Variants in SAR1A observed in about 807,000 individuals in gnomAD.
SAR1A encodes secretion associated Ras related GTPase 1A.
In SAR1A, 6 loss-of-function variants were observed where a neutral mutation model predicts 22.6. The observed-to-expected ratio is 0.27, with a 90% confidence interval of 0.15 to 0.52. The LOEUF (loss-of-function observed/expected upper bound fraction) is 0.52, where lower values mean the gene tolerates loss of function less well. SAR1A is among the 20% of genes least tolerant of loss of function. SAR1A has a pLI of 0.96. For missense variants in SAR1A, 145 were observed against 245.1 expected (o/e 0.59, Z 2.73); for synonymous variants, 70 against 82.2 (o/e 0.85, Z 0.80).
intron 1 of SAR1A, among the ~76,000 whole-genome samples, chr10:70,163,471 G>A (rs542733742): frequency 6.6e-6 from 1 of 152,194 alleles, no homozygotes; most frequent in Non-Finnish European, 1.5e-5. Flanking sequence ...GCTAATGCAA[G>A]GTGACTTTAC....
chr10:70,160,949 G>T, intron 4 of SAR1A, 55 bp downstream of exon 4: 1 of 1,235,808 alleles, frequency 8.1e-7, no homozygotes, highest in South Asian at 1.4e-5. Flanking sequence ...AAAGGAGCTG[G>T]GAGGCACAAA....
At chr10:70,160,750 T>C (rs1839458591) in intron 4 of SAR1A, among the ~76,000 whole-genome samples, 1 of 152,222 alleles carries the variant, frequency 6.6e-6, no homozygotes, top group South Asian at 2.1e-4. Context: ...TAGTTATACA[T>C]TATGGCTAAC....
chr10:70,157,264 C>T (rs1189976464), intron 5 of SAR1A, among the ~76,000 whole-genome samples: 2 of 151,864 alleles, frequency 1.3e-5, no homozygotes, highest in South Asian at 2.1e-4. Flanking sequence ...ACTAGCCGGG[C>T]GTGGTGGCAC....
rs1029446146 is a variant in SAR1A, at chr10:70,147,401, A to T, written c.*5075T>A. On this transcript the variant is annotated 3_prime_UTR_variant, in exon 7 of 7. Coordinates refer to ENST00000373241, the MANE Select transcript of SAR1A (RefSeq NM_020150.5). ...CCAGGGTCCAAATACTTTCTGTAGA[A>T]GGCCAGAATGGAAACAGTTCCAGTT... 6.6e-6 allele frequency: 1 copy of T among 152,250 alleles called. No homozygotes were observed. Among genetic ancestry groups the T allele is most frequent in the African/African-American group, 2.4e-5 (1 of 41,450 alleles). 9.4% of individuals were successfully genotyped at this position (152,250 alleles called of 1,614,324 possible). A position where few individuals can be genotyped will look rare whatever the true frequency, so the allele number is the denominator to read the frequency against.
intron 1 of SAR1A, chr10:70,163,697 C>A (rs187827462): frequency 2.0e-4 from 156 of 778,636 alleles, no homozygotes; most frequent in Non-Finnish European, 2.4e-4. Flanking sequence ...GGCTGACCAA[C>A]TGACTGAGGA....
intron 5 of SAR1A, among the ~76,000 whole-genome samples, chr10:70,154,566 T>C (rs1839363698): frequency 1.3e-5 from 2 of 151,892 alleles, no homozygotes; most frequent in African/African-American, 4.8e-5. Context: ...CAAGCGATTC[T>C]CCCACCTCAG....
intron 4 of SAR1A, among the ~76,000 whole-genome samples, chr10:70,158,860 CTCAG>C (rs1839430118): frequency 6.6e-6 from 1 of 151,694 alleles, no homozygotes; most frequent in South Asian, 2.1e-4. Flanking sequence ...GTAGATTTTC[CTCAG>C]TCAAATAAAC....
intron 3 of SAR1A, chr10:70,161,362 A>G: frequency 1.8e-6 from 1 of 553,388 alleles, no homozygotes; most frequent in Non-Finnish European, 3.2e-6. Context: ...CTTTTCTTCC[A>G]AGCTATTTTC....
chr10:70,165,597 A>G (rs939493282), intron 1 of SAR1A, among the ~76,000 whole-genome samples: 1 of 152,238 alleles, frequency 6.6e-6, no homozygotes, highest in African/African-American at 2.4e-5. Context: ...TTTCATGATC[A>G]AACTAATGGA....
chr10:70,153,814 G>A (rs1217114962), intron 6 of SAR1A, 24 bp downstream of exon 6: 2 of 1,563,296 alleles, frequency 1.3e-6, no homozygotes, highest in Admixed American at 2.1e-5. Context: ...TCCTTTATAT[G>A]TAACCCAAAT....
intron 3 of SAR1A, chr10:70,161,330 C>CT (rs757970730): frequency 1.4e-5 from 8 of 551,732 alleles, no homozygotes; most frequent in Non-Finnish European, 2.5e-5. Context: ...TGTTCTTAAA[C>CT]TATTCTAAAA....
Position 70,151,719 on chromosome 10 carries a change from ATGAG to A in SAR1A, c.*753_*756del, listed in dbSNP as rs1589872554. 1 of 152,662 alleles carries A rather than the reference ATGAG, an allele frequency of 6.6e-6. No homozygotes were observed. The highest frequency in any genetic ancestry group is 2.1e-4 in the South Asian group (1 of 4,838). 9.5% of individuals were successfully genotyped at this position (152,662 alleles called of 1,614,324 possible). On this transcript the variant is annotated 3_prime_UTR_variant, in exon 7 of 7. Transcript: ENST00000373241. ...AAGACTGGCTAAAATCTGTAACTTC[ATGAG>A]TAAGAATAACAACAATAACCCATTC...
chr10:70,162,449 A>G (rs957196479), intron 1 of SAR1A, among the ~76,000 whole-genome samples: 1 of 128,602 alleles, frequency 7.8e-6, no homozygotes. Context: ...AAAAGAAAAG[A>G]AAAGAGAGGG....
At position 70,152,424 on chromosome 10, in the gene SAR1A, G is replaced by C. The variant is rs1554826882; in HGVS notation, c.*52C>G. The C allele has an allele frequency of 8.1e-6, 11 of 1,354,496 alleles. No individual in the cohort carries two copies. In the South Asian group the frequency reaches 1.3e-4, roughly 16 times the overall value. 83.9% of individuals were successfully genotyped at this position (1,354,496 alleles called of 1,614,324 possible). A position where few individuals can be genotyped will look rare whatever the true frequency, so the allele number is the denominator to read the frequency against. ...TTAGAAAAGTTCATGAGGAAGCTGTGAATAGGATCAGTCCAGAGAAGTAAA... is the reference window on the plus strand; with the variant it reads ...TTAGAAAAGTTCATGAGGAAGCTGTCAATAGGATCAGTCCAGAGAAGTAAA... On this transcript the variant is annotated 3_prime_UTR_variant, in exon 7 of 7. Transcript: ENST00000373241.
chr10:70,161,246 C>T (rs1839464393), intron 3 of SAR1A, 177 bp from the exon 4 acceptor site: 1 of 569,128 alleles, frequency 1.8e-6, no homozygotes, highest in Admixed American at 3.5e-5. Flanking sequence ...GGAGGATAAT[C>T]TGAGCCCAGG....
Position 70,151,259 on chromosome 10 carries a change from CAAAAAAAAAAAAAA to C in SAR1A, c.*1203_*1216del, listed in dbSNP as rs201493587. ...GCAATGGAGAAAGACAATTTCATAC[CAAAAAAAAAAAAAA>C]AAAAAAAAAAACCTGGAAAAGCTAC... On this transcript the variant is annotated 3_prime_UTR_variant, in exon 7 of 7. Transcript: ENST00000373241. 4.3e-5 allele frequency: 3 copies of C among 70,390 alleles called. 1 individual carries two copies. Among genetic ancestry groups the C allele is most frequent in the East Asian group, 2.7e-3 (2 of 750 alleles). 4.4% of individuals were successfully genotyped at this position (70,390 alleles called of 1,614,324 possible).
At chr10:70,166,430 G>T (rs1208971950) in intron 1 of SAR1A, among the ~76,000 whole-genome samples, 1 of 152,076 alleles carries the variant, frequency 6.6e-6, no homozygotes, top group Non-Finnish European at 1.5e-5. Context: ...ACATTGATTT[G>T]AATGAAAAAC....
chr10:70,153,927 T>C lies in SAR1A; in HGVS notation c.391A>G (p.Ile131Val), dbSNP rs200350450. Reference sequence around the variant, plus strand: ...GTTCTGTCAATTTTGTTACCCAAGATAAGGATTGGCACATTGGATATTGTT... The same window carrying C: ...GTTCTGTCAATTTTGTTACCCAAGACAAGGATTGGCACATTGGATATTGTT... The part of the protein sequence containing the change: ...DETISNVPIL[I>V]LGNKIDRTDA... Residue 131 changes from isoleucine to valine, a missense_variant, in exon 6 of 7, where the codon ATC becomes GTC. Transcript: ENST00000373241. 1.2e-5 allele frequency: 20 copies of C among 1,606,688 alleles called. No individual in the cohort carries two copies. The highest frequency in any genetic ancestry group is 1.7e-4 in the Middle Eastern group (1 of 6,030).
rs1470540339 is a variant in SAR1A, at chr10:70,153,955, A to C, written c.363T>G (p.Asp121Glu). Residue 121 changes from aspartate (D) to glutamate (E), a missense_variant, in exon 6 of 7, where the codon GAT becomes GAG. Asp to Glu is a conservative substitution (Grantham distance 45, BLOSUM62 2). Around this residue, in one of 3 missense-constraint regions of SAR1A, gnomAD observed 83 missense variants for 114.7 expected, o/e 0.72. Transcript: ENST00000373241. ...GGATTGGCACATTGGATATTGTTTC[A>C]TCAGTCATTAAAGCCTAAAGATTGA... Reference protein sequence around the residue: ...SKVELNALMTDETISNVPILI... With the variant: ...SKVELNALMTEETISNVPILI... 7 of 1,588,026 alleles carry C rather than the reference A, an allele frequency of 4.4e-6. No individual in the cohort carries two copies. In the African/African-American group the frequency reaches 9.6e-5, roughly 22 times the overall value.
Sources: allele counts gnomAD v4.1 joint callset (sites outside exome capture counted in the v4.1 genomes callset), GRCh38; gene constraint gnomAD v4.1.1; regional missense constraint gnomAD v4.1.1; transcripts MANE v1.5; gene names NCBI Gene and HGNC (gene_info 2026-07-23, HGNC 2026-07-21).